The following AJAP1 variants were observed in gnomAD, a reference collection of about 807,000 sequenced individuals.
The protein encoded by AJAP1 is adherens junctions associated protein 1.
In AJAP1, 5 loss-of-function variants were observed where a neutral mutation model predicts 35.0. The observed-to-expected ratio is 0.14, with a 90% confidence interval of 0.07 to 0.30. The LOEUF (loss-of-function observed/expected upper bound fraction) is 0.30. Ranked by LOEUF, AJAP1 falls within the 10% of genes least tolerant of loss-of-function variation. AJAP1 has a pLI of 1.00. For missense variants in AJAP1, 586 were observed against 571.0 expected (o/e 1.03, Z -0.27); for synonymous variants, 284 against 249.3 (o/e 1.14, Z -1.31).
Position 4,769,930 on chromosome 1 carries a change from T to A in AJAP1, c.907T>A (p.Leu303Ile), listed in dbSNP as rs1402462854. Residue 303 changes from leucine to isoleucine, a missense_variant, in exon 3 of 6, where the codon TTA (leucine) becomes ATA (isoleucine). Coordinates refer to ENST00000378191, the MANE Select transcript of AJAP1 (RefSeq NM_018836.4). ...AGCTGCTCTCATCACAACTCTTGTCTTAAAAAATTGGTAAGGCTCCTTGGG... is the reference window on the plus strand; with the variant it reads ...AGCTGCTCTCATCACAACTCTTGTCATAAAAAATTGGTAAGGCTCCTTGGG... ...VIAALITTLV[L>I]KNCCAQSGNT... 3.1e-6 allele frequency: 5 copies of A among 1,613,618 alleles called. No homozygotes were observed. Among genetic ancestry groups the A allele is most frequent in the Non-Finnish European group, 4.2e-6 (5 of 1,179,694 alleles).
rs1239881333 is a variant in AJAP1, at chr1:4,687,711, G to A, written c.30-24189G>A. ...ACGTCCCTGTCACTCTGAGAAGAAC[G>A]AGAGCTCCGTGCTAAGGGAGTCAGC... On this transcript the variant is annotated intron_variant, in intron 1 of 5. Transcript: ENST00000378191. 3.3e-5 allele frequency among the ~76,000 whole-genome samples: 5 copies of A among 152,194 alleles called. No individual in the cohort carries two copies. In the East Asian group the frequency reaches 7.7e-4, roughly 24 times the overall value.
At chr1:4,739,300 G>A (rs1014488087) in intron 2 of AJAP1, among the ~76,000 whole-genome samples, 3 of 152,092 alleles carry the variant, frequency 2.0e-5, no homozygotes, top group Non-Finnish European at 2.9e-5. Flanking sequence ...TGCAAGTATC[G>A]GCAGGCTTTG....
Position 4,656,292 on chromosome 1 carries a change from CCAGGGCCCACCAGAGCA to C in AJAP1, c.29+842_29+858del. ...TTCTCTGGCTTCTGCCTGGGGTGGC[CCAGGGCCCACCAGAGCA>C]CAGCTGTCGTTTTTGCTGGGCAGGC... On this transcript the variant is annotated intron_variant, in intron 1 of 5. Transcript: ENST00000378191. The surrounding 1 kb of genome is among the most constrained non-coding windows in gnomAD (Gnocchi z 5.7). Among the ~76,000 whole-genome samples, 1 of 152,278 alleles carries C rather than the reference CCAGGGCCCACCAGAGCA, an allele frequency of 6.6e-6. No individual in the cohort carries two copies. The highest frequency in any genetic ancestry group is 1.9e-4 in the East Asian group (1 of 5,162).
At chr1:4,660,990 G>A (rs988441738) in intron 1 of AJAP1, among the ~76,000 whole-genome samples, 16 of 152,144 alleles carry the variant, frequency 1.1e-4, no homozygotes, top group African/African-American at 3.9e-4. Flanking sequence ...CATATTCTGA[G>A]GATTTTAAGT....
chr1:4,779,410 G>T (rs1053773610), intron 5 of AJAP1, among the ~76,000 whole-genome samples: 1 of 150,750 alleles, frequency 6.6e-6, no homozygotes, highest in Non-Finnish European at 1.5e-5. Flanking sequence ...ATCTCAGCTC[G>T]CTGTAAGCTC....
chr1:4,770,006 C>G, intron 3 of AJAP1, 66 bp downstream of exon 3: 1 of 1,359,540 alleles, frequency 7.4e-7, no homozygotes, highest in Non-Finnish European at 1.0e-6. Flanking sequence ...GTGGTGAATA[C>G]AGAAAGGCCC....
At chr1:4,688,372 C>T (rs560307448) in intron 1 of AJAP1, among the ~76,000 whole-genome samples, 10 of 152,240 alleles carry the variant, frequency 6.6e-5, no homozygotes, top group East Asian at 3.9e-4. Flanking sequence ...ATAACTATTC[C>T]GGTTGACATT....
At position 4,679,228 on chromosome 1, in the gene AJAP1, A is replaced by G. The variant is rs145668701; in HGVS notation, c.29+23774A>G. ...ATTTCTCTTGACAGTACTCATCACC[A>G]TGGGATCCACTGTGCACTTTACACA... On this transcript the variant is annotated intron_variant, in intron 1 of 5. Transcript: ENST00000378191. Among the ~76,000 whole-genome samples the G allele has an allele frequency of 4.7e-3, 714 of 152,194 alleles. 5 individuals carry two copies. The highest frequency in any genetic ancestry group is 0.016 in the African/African-American group (677 of 41,506).
intron 2 of AJAP1, among the ~76,000 whole-genome samples, chr1:4,745,467 G>A (rs1641168164): frequency 6.6e-6 from 1 of 152,194 alleles, no homozygotes; most frequent in South Asian, 2.1e-4. Flanking sequence ...GCTCTGATGA[G>A]GAAAGGATAA....
In AJAP1 at chr1:4,769,424, G is replaced by A. The variant is rs534916306; in HGVS notation, c.830-429G>A. On this transcript the variant is annotated intron_variant, in intron 2 of 5. Transcript: ENST00000378191. ...ACAGGCCAGCACCCTGGAGCTAACC[G>A]TTCCAGAATAGAAGTGCGAGACTGG... 5.3e-5 allele frequency among the ~76,000 whole-genome samples: 8 copies of A among 152,168 alleles called. No individual in the cohort carries two copies. The East Asian group carries it at 5.8e-4, about 11-fold the overall frequency.
chr1:4,737,374 T>C (rs1167088759), intron 2 of AJAP1, among the ~76,000 whole-genome samples: 1 of 152,080 alleles, frequency 6.6e-6, no homozygotes, highest in African/African-American at 2.4e-5. Context: ...ATAGCACTGA[T>C]TACCCGGCAA....
intron 2 of AJAP1, among the ~76,000 whole-genome samples, chr1:4,727,049 C>A (rs1268048441): frequency 6.6e-6 from 1 of 152,216 alleles, no homozygotes; most frequent in Non-Finnish European, 1.5e-5. Context: ...AGCGAGCCAC[C>A]TGTGGCAGCA....
chr1:4,678,721 C>T (rs1187407752), intron 1 of AJAP1, among the ~76,000 whole-genome samples: 5 of 152,192 alleles, frequency 3.3e-5, no homozygotes, highest in African/African-American at 7.2e-5. Flanking sequence ...CACCCACACT[C>T]GAGGGAGTGC....
chr1:4,769,909 G>A lies in AJAP1; in HGVS notation c.886G>A (p.Ala296Thr), dbSNP rs779275107. The A allele has an allele frequency of 1.9e-6, 3 of 1,614,062 alleles. No individual in the cohort carries two copies. The highest frequency in any genetic ancestry group is 3.3e-5 in the Admixed American group (2 of 60,028). The change falls in exon 3 of 6, where the codon GCT becomes ACT. Residue 296 changes from alanine (A) to threonine (T), a missense_variant. Coordinates refer to ENST00000378191, the MANE Select transcript of AJAP1 (RefSeq NM_018836.4). ...ITVSLIMVIA[A>T]LITTLVLKNC... The stretch of plus-strand genomic sequence containing the variant: ...CGTCTCCCTCATCATGGTCATAGCT[G>A]CTCTCATCACAACTCTTGTCTTAAA...
chr1:4,736,165 C>T (rs1640918972), intron 2 of AJAP1, among the ~76,000 whole-genome samples: 1 of 152,258 alleles, frequency 6.6e-6, no homozygotes, highest in African/African-American at 2.4e-5. Flanking sequence ...AGAGGTGTCC[C>T]TGAGACCGTT....
Position 4,772,543 on chromosome 1 carries a change from T to G in AJAP1, c.1163+18T>G, listed in dbSNP as rs115807997. ...GGAAACCGGTAAGCTCGGGCTCTGC[T>G]AGACCCTGCAGCTGTGAAGCTCTTG... On this transcript the variant is annotated intron_variant, in intron 4 of 5. Coordinates refer to ENST00000378191, the MANE Select transcript of AJAP1 (RefSeq NM_018836.4). 2.6e-3 allele frequency: 4,249 copies of G among 1,611,020 alleles called. 99 individuals carry two copies. The African/African-American group carries it at 0.05, about 19-fold the overall frequency.
chr1:4,666,342 G>C (rs964192209), intron 1 of AJAP1, among the ~76,000 whole-genome samples: 1 of 152,190 alleles, frequency 6.6e-6, no homozygotes, highest in Non-Finnish European at 1.5e-5. Flanking sequence ...GTTGCGGGGG[G>C]AATGCTTGGA....
At position 4,720,962 on chromosome 1, in the gene AJAP1, G is replaced by T. The variant is rs957656819; in HGVS notation, c.829+8263G>T. On this transcript the variant is annotated intron_variant, in intron 2 of 5. Transcript: ENST00000378191. This position sits in a 1 kb window ranked among gnomAD's most constrained non-coding sequence, Gnocchi z 4.4. ...AACACACCTGAGGCGTGGTTTGTGT[G>T]AGCCCCATGGAGAGGATGGGGGACA... 6.6e-6 allele frequency among the ~76,000 whole-genome samples: 1 copy of T among 152,204 alleles called. No individual in the cohort carries two copies. The highest frequency in any genetic ancestry group is 1.5e-5 in the Non-Finnish European group (1 of 68,024).
chr1:4,716,921 G>A (rs544187530), intron 2 of AJAP1, among the ~76,000 whole-genome samples: 1 of 152,306 alleles, frequency 6.6e-6, no homozygotes, highest in African/African-American at 2.4e-5. Flanking sequence ...GATGGCACTA[G>A]CCAAGAACCT....
Sources: gnomAD v4.1 joint callset for allele counts (sites outside exome capture counted in the v4.1 genomes callset) on GRCh38, gnomAD v4.1.1 for gene constraint, Gnocchi (gnomAD v3.1) non-coding constraint, MANE v1.5 for transcripts, NCBI Gene and HGNC (gene_info 2026-07-23, HGNC 2026-07-21) for gene names.